The following SUPT20H variants were observed in gnomAD, a reference collection of about 807,000 sequenced individuals.
SUPT20H encodes transcription factor SPT20 homolog.
A neutral mutation model predicts 122.8 loss-of-function variants in SUPT20H; 82 were observed. The ratio of observed to expected loss-of-function variants is 0.67; its 90% CI spans 0.56 to 0.80. The LOEUF is 0.80. Among genes scored for constraint, SUPT20H ranks in the 30% least tolerant of loss-of-function variants. SUPT20H has a pLI of 0.00. For missense variants in SUPT20H, 831 were observed against 921.6 expected, an observed-to-expected ratio of 0.90 and a Z score of 1.27; for synonymous variants, 291 against 313.0, an observed-to-expected ratio of 0.93 and a Z score of 0.74.
rs1174978886 is a variant in SUPT20H at position 37,051,540 on chromosome 13, T to C, written c.-50A>G. 3 of 1,583,540 alleles carry C rather than the reference T, an allele frequency of 1.9e-6. No individual in the cohort carries two copies. Among genetic ancestry groups the C allele is most frequent in the East Asian group, 4.5e-5 (2 of 44,602 alleles). ...AGAAGAGATAACTTATGTACGCTGA[T>C]GAAGTGGGGTGAACACCATGCCTTT... On this transcript the variant is annotated 5_prime_UTR_variant, in exon 2 of 26. Coordinates refer to ENST00000350612, the MANE Select transcript of SUPT20H (RefSeq NM_001014286.3).
intron 1 of SUPT20H, among the ~76,000 whole-genome samples, chr13:37,055,489 C>A (rs1279114632): frequency 1.3e-5 from 2 of 152,188 alleles, no homozygotes; most frequent in Non-Finnish European, 1.5e-5. Context: ...TGATCTTTGA[C>A]AAACCTGACC....
At position 37,024,406 on chromosome 13, in the gene SUPT20H, C is replaced by G. The variant is rs561381992; in HGVS notation, c.1366G>C (p.Gly456Arg). 127 of 1,585,270 alleles carry G rather than the reference C, an allele frequency of 8.0e-5. No individual in the cohort carries two copies. In the South Asian group the frequency reaches 1.4e-3, roughly 18 times the overall value. ...ETVSVQSSVL[G>R]KGVKHRPPPI... Reference sequence around the variant, plus strand: ...GGGGGTCGATGTTTTACACCCTTCCCCAATACCGAAGACTGAACTGACACG... The same window carrying G: ...GGGGGTCGATGTTTTACACCCTTCCGCAATACCGAAGACTGAACTGACACG... Residue 456 changes from glycine to arginine, a missense_variant, in exon 18 of 26, where the codon GGG (glycine) becomes CGG (arginine). Transcript: ENST00000350612.
intron 13 of SUPT20H, 94 bp from the exon 14 acceptor site, chr13:37,028,399 T>A: frequency 8.7e-7 from 1 of 1,154,124 alleles, no homozygotes; most frequent in Non-Finnish European, 1.2e-6. Flanking sequence ...CAGTAACATG[T>A]ATCTGACGAT....
chr13:37,017,264 G>A lies in SUPT20H; in HGVS notation c.1973C>T (p.Pro658Leu), dbSNP rs1159565650. 1.2e-6 allele frequency: 2 copies of A among 1,614,112 alleles called. No homozygotes were observed. The highest frequency in any genetic ancestry group is 4.5e-5 in the East Asian group (2 of 44,874). Residue 658 changes from proline to leucine, a missense_variant, in exon 23 of 26, where the codon CCT becomes CTT. By Grantham distance (98) the Pro-to-Leu change is moderately conservative. Coordinates refer to ENST00000350612, the MANE Select transcript of SUPT20H (RefSeq NM_001014286.3). ...QQPQQPTTCS[P>L]QQPGEQGSEQ... is the part of the protein sequence containing the mutation. The stretch of plus-strand genomic sequence containing the variant: ...CCATACCTGCTCCCCTGGCTGTTGA[G>A]GACTACAAGTTGTGGGCTGCTGAGG...
rs1251262030 is a variant in SUPT20H at position 37,031,624 on chromosome 13, C to T, written c.865-1G>A. 11 of 1,564,666 alleles carry T rather than the reference C, an allele frequency of 7.0e-6. No homozygotes were observed. The highest frequency in any genetic ancestry group is 9.5e-6 in the Non-Finnish European group (11 of 1,163,914). On this transcript the variant is annotated splice_acceptor_variant, in intron 11 of 25. Coordinates refer to ENST00000350612, the MANE Select transcript of SUPT20H (RefSeq NM_001014286.3). LOFTEE classifies it high-confidence loss of function. ...GACTCCGTTTCCACATATCTACACACTGAAAAATTAAAAACAATATACTGA... is the reference window on the plus strand; with the variant it reads ...GACTCCGTTTCCACATATCTACACATTGAAAAATTAAAAACAATATACTGA...
chr13:37,045,956 C>T (rs1470510758), intron 5 of SUPT20H, among the ~76,000 whole-genome samples: 1 of 152,038 alleles, frequency 6.6e-6, no homozygotes, highest in African/African-American at 2.4e-5. Flanking sequence ...TCCTTAAAAA[C>T]CACAACAAAG....
Position 37,020,998 on chromosome 13 carries a change from T to C in SUPT20H, c.1816+450A>G, listed in dbSNP as rs548350268. ...ATTCCCATTTTATTTATGAGGAAAATTAAACACAAAGGTAACTTTCTCAAG... is the reference window on the plus strand; with the variant it reads ...ATTCCCATTTTATTTATGAGGAAAACTAAACACAAAGGTAACTTTCTCAAG... On this transcript the variant is annotated intron_variant, in intron 21 of 25. Transcript: ENST00000350612. Among the ~76,000 whole-genome samples the C allele has an allele frequency of 1.1e-4, 16 of 146,750 alleles. No individual in the cohort carries two copies. The East Asian group carries it at 2.3e-3, about 21-fold the overall frequency.
At chr13:37,016,205 C>T (rs1291744603) in intron 23 of SUPT20H, among the ~76,000 whole-genome samples, 6 of 151,746 alleles carry the variant, frequency 4.0e-5, no homozygotes, top group African/African-American at 7.3e-5. Context: ...CTGAGGTGGG[C>T]GGATCACGAG....
At chr13:37,012,484 A>C in intron 23 of SUPT20H, 187 bp from the exon 24 acceptor site, 1 of 449,314 alleles carries the variant, frequency 2.2e-6, no homozygotes, top group South Asian at 3.9e-5. Flanking sequence ...ATTTGAACAA[A>C]GAAAACTTCA....
chr13:37,031,646 C>T (rs777735008), intron 11 of SUPT20H, 23 bp from the exon 12 acceptor site: 6 of 1,550,754 alleles, frequency 3.9e-6, no homozygotes, highest in African/African-American at 1.4e-5. Context: ...AAACAATATA[C>T]TGAAAAATTA....
intron 15 of SUPT20H, among the ~76,000 whole-genome samples, chr13:37,026,575 C>T (rs2062324013): frequency 6.6e-6 from 1 of 152,048 alleles, no homozygotes; most frequent in African/African-American, 2.4e-5. Context: ...AATCACTGAA[C>T]TAACATGTGC....
chr13:37,044,861 C>T (rs1030029031), intron 6 of SUPT20H, among the ~76,000 whole-genome samples: 9 of 152,144 alleles, frequency 5.9e-5, no homozygotes, highest in African/African-American at 1.2e-4. Flanking sequence ...CCTTTAAACA[C>T]GGTATGCTAT....
At chr13:37,036,186 AT>A (rs1395361542) in intron 9 of SUPT20H, among the ~76,000 whole-genome samples, 1 of 152,162 alleles carries the variant, frequency 6.6e-6, no homozygotes, top group Non-Finnish European at 1.5e-5. Flanking sequence ...GATCATTAGC[AT>A]TTTTTAGCAA....
intron 1 of SUPT20H, among the ~76,000 whole-genome samples, chr13:37,055,458 T>C (rs1447316582): frequency 1.3e-5 from 2 of 152,116 alleles, no homozygotes; most frequent in Non-Finnish European, 2.9e-5. Context: ...TCAGAAATAA[T>C]GCCACATATC....
intron 24 of SUPT20H, among the ~76,000 whole-genome samples, chr13:37,011,947 T>C: frequency 6.6e-6 from 1 of 152,146 alleles, no homozygotes; most frequent in East Asian, 1.9e-4. Context: ...TGGATAATTA[T>C]TTTGCCAGTA....
intron 21 of SUPT20H, among the ~76,000 whole-genome samples, 163 bp from the exon 22 acceptor site, chr13:37,019,560 A>C (rs1181454851): frequency 6.6e-6 from 1 of 152,226 alleles, no homozygotes; most frequent in Non-Finnish European, 1.5e-5. Context: ...GATTGTCTTC[A>C]ATATTTATCA....
intron 6 of SUPT20H, among the ~76,000 whole-genome samples, chr13:37,044,943 T>C (rs945440348): frequency 6.6e-6 from 1 of 152,130 alleles, no homozygotes; most frequent in African/African-American, 2.4e-5. Flanking sequence ...CCTCTATAAT[T>C]TTCCTTTTTT....
chr13:37,037,710 ACT>A (rs1374766833), intron 9 of SUPT20H, among the ~76,000 whole-genome samples: 3 of 152,176 alleles, frequency 2.0e-5, no homozygotes, highest in Non-Finnish European at 4.4e-5. Context: ...AATAAAAATG[ACT>A]CTGCTAATAT....
At chr13:37,016,065 T>C (rs1436775578) in intron 23 of SUPT20H, among the ~76,000 whole-genome samples, 8 of 152,198 alleles carry the variant, frequency 5.3e-5, no homozygotes. Context: ...GAAAAAGTTC[T>C]ATAATAGAAA....
Sources: allele counts gnomAD v4.1 joint callset (sites outside exome capture counted in the v4.1 genomes callset), GRCh38; gene constraint gnomAD v4.1.1; transcripts MANE v1.5; gene names NCBI Gene and HGNC (gene_info 2026-07-23, HGNC 2026-07-21).